Variants in GLIPR1L1 observed in about 807,000 individuals in gnomAD.
The protein encoded by GLIPR1L1 is GLIPR1-like protein 1.
Under a neutral mutation model 29.9 loss-of-function variants are expected in GLIPR1L1, and 26 were observed. The ratio of observed to expected loss-of-function variants is 0.87; its 90% CI spans 0.64 to 1.21. The LOEUF is 1.21. Ranked by LOEUF, GLIPR1L1 falls within the 50% of genes most tolerant of loss-of-function variation. The pLI is 0.00. For missense variants in GLIPR1L1, 305 were observed against 290.3 expected (o/e 1.05, Z -0.37); for synonymous variants, 77 against 97.5 (o/e 0.79, Z 1.24).
chr12:75,369,550 T>C (rs1163936929), intron 4 of GLIPR1L1: 13 of 983,082 alleles, frequency 1.3e-5, no homozygotes, highest in Non-Finnish European at 1.6e-5. Context: ...GGAAAAGACA[T>C]CGAGAAATAT....
At chr12:75,358,086 TATC>T (rs1342382751) in intron 3 of GLIPR1L1, among the ~76,000 whole-genome samples, 2 of 151,550 alleles carry the variant, frequency 1.3e-5, no homozygotes, top group Non-Finnish European at 3.0e-5. Context: ...TAATAAAATT[TATC>T]ATCTGCAAAC....
intron 3 of GLIPR1L1, among the ~76,000 whole-genome samples, chr12:75,349,054 A>G (rs982835463): frequency 3.3e-5 from 5 of 152,046 alleles, no homozygotes; most frequent in African/African-American, 1.2e-4. Flanking sequence ...AAAGAGTACC[A>G]GAGAAAAGAG....
intron 3 of GLIPR1L1, among the ~76,000 whole-genome samples, chr12:75,359,434 C>T (rs1449306336): frequency 7.2e-6 from 1 of 138,066 alleles, no homozygotes; most frequent in South Asian, 2.3e-4. Flanking sequence ...AAAATTCCAC[C>T]AGGATTTTAT....
At chr12:75,356,865 A>G (rs1216454973) in intron 3 of GLIPR1L1, among the ~76,000 whole-genome samples, 1 of 152,138 alleles carries the variant, frequency 6.6e-6, no homozygotes, top group Non-Finnish European at 1.5e-5. Context: ...AAAAGAATGG[A>G]AAAAAGTTTA....
intron 1 of GLIPR1L1, among the ~76,000 whole-genome samples, chr12:75,340,242 C>A (rs1381848347): frequency 6.6e-6 from 1 of 151,262 alleles, no homozygotes; most frequent in East Asian, 1.9e-4. Context: ...TTTAGAACTG[C>A]AAATTGTGCT....
At chr12:75,359,228 A>T (rs1034265034) in intron 3 of GLIPR1L1, among the ~76,000 whole-genome samples, 4 of 151,396 alleles carry the variant, frequency 2.6e-5, no homozygotes, top group Admixed American at 2.6e-4. Context: ...ATTATCTAGG[A>T]ATAGATCTGG....
chr12:75,359,907 A>G (rs1168634727), intron 3 of GLIPR1L1: 2 of 152,174 alleles, frequency 1.3e-5, no homozygotes, highest in African/African-American at 4.8e-5. Context: ...AATAGGTTTA[A>G]TTGACTACAG....
At chr12:75,338,630 G>A (rs568384125) in intron 1 of GLIPR1L1, among the ~76,000 whole-genome samples, 1 of 151,968 alleles carries the variant, frequency 6.6e-6, no homozygotes, top group Non-Finnish European at 1.5e-5. Context: ...TACATGTGCA[G>A]GATGTGCAGG....
intron 3 of GLIPR1L1, among the ~76,000 whole-genome samples, chr12:75,351,913 T>C (rs909223792): frequency 9.2e-5 from 14 of 152,086 alleles, no homozygotes; most frequent in Non-Finnish European, 1.5e-4. Flanking sequence ...AACAACATCA[T>C]AAGCGAAGGA....
chr12:75,340,551 G>A (rs1196838865), intron 1 of GLIPR1L1, among the ~76,000 whole-genome samples: 14 of 151,800 alleles, frequency 9.2e-5, no homozygotes, highest in Admixed American at 9.2e-4. Flanking sequence ...TTTTTATCAA[G>A]ACCGAAAACT....
chr12:75,364,443 C>A (rs971071513), intron 4 of GLIPR1L1, among the ~76,000 whole-genome samples: 2 of 152,220 alleles, frequency 1.3e-5, no homozygotes, highest in Non-Finnish European at 2.9e-5. Context: ...TGGCTGCCTG[C>A]CCCAGGTTCA....
At chr12:75,361,706 T>C (rs56242432) in intron 3 of GLIPR1L1, among the ~76,000 whole-genome samples, 2,376 of 152,254 alleles carry the variant, frequency 0.016, 50 homozygotes, top group African/African-American at 0.055. Context: ...GAGGAACTTC[T>C]AAACACTTTT....
At chr12:75,344,769 G>GTTACCTGCAATTTAT (rs1302057568) in intron 2 of GLIPR1L1, among the ~76,000 whole-genome samples, 1 of 152,106 alleles carries the variant, frequency 6.6e-6, no homozygotes, top group East Asian at 1.9e-4. Flanking sequence ...GTACAGCTAA[G>GTTACCTGCAATTTAT]TTACCTGCAA....
At chr12:75,344,757 G>C (rs1440872451) in intron 2 of GLIPR1L1, among the ~76,000 whole-genome samples, 5 of 151,952 alleles carry the variant, frequency 3.3e-5, no homozygotes, top group Non-Finnish European at 7.4e-5. Flanking sequence ...CTGTCTTTTT[G>C]GGTACAGCTA....
At chr12:75,351,126 AGGC>A (rs1399818222) in intron 3 of GLIPR1L1, among the ~76,000 whole-genome samples, 32 of 152,306 alleles carry the variant, frequency 2.1e-4, no homozygotes, top group African/African-American at 7.7e-4. Flanking sequence ...TGCTGAAATA[AGGC>A]AGGCAGACAA....
intron 4 of GLIPR1L1, among the ~76,000 whole-genome samples, chr12:75,367,493 T>C (rs1472340733): frequency 6.6e-6 from 1 of 151,978 alleles, no homozygotes; most frequent in Non-Finnish European, 1.5e-5. Flanking sequence ...GAGTCATCAA[T>C]ATAACCACCT....
At position 75,339,661 on chromosome 12, in the gene GLIPR1L1, C is replaced by T. The variant is rs1037230061; in HGVS notation, c.175-4032C>T. ...ATGTTTTCATCATGAAATATTTGCC[C>T]GTGCCTATGTCCTGAATGGTATTGC... On this transcript the variant is annotated intron_variant, in intron 1 of 5. Transcript: ENST00000378695. 2.6e-5 allele frequency among the ~76,000 whole-genome samples: 4 copies of T among 151,930 alleles called. No individual in the cohort carries two copies. In the East Asian group the frequency reaches 7.7e-4, roughly 29 times the overall value.
intron 4 of GLIPR1L1, among the ~76,000 whole-genome samples, chr12:75,366,632 G>A (rs1197272946): frequency 6.7e-6 from 1 of 150,208 alleles, no homozygotes; most frequent in East Asian, 2.0e-4. Context: ...CTCTTCTTCA[G>A]ATTGTTGCCT....
intron 4 of GLIPR1L1, chr12:75,366,959 G>C (rs756997907): frequency 1.4e-6 from 1 of 701,624 alleles, no homozygotes; most frequent in African/African-American, 1.7e-5. Flanking sequence ...AGTCACCCAA[G>C]GGGCAGCTTG....
Sources: allele counts gnomAD v4.1 joint callset (sites outside exome capture counted in the v4.1 genomes callset), GRCh38; gene constraint gnomAD v4.1.1; transcripts MANE v1.5; gene names NCBI Gene and HGNC (gene_info 2026-07-23, HGNC 2026-07-21).